SFXN5: variants seen among roughly 807,000 people sequenced by gnomAD.
SFXN5 encodes the protein sideroflexin 5.
In SFXN5, 43 loss-of-function variants were observed where a neutral mutation model predicts 50.2. That is an observed-to-expected ratio of 0.86 (90% confidence interval 0.67 to 1.11). SFXN5 has a LOEUF of 1.11. Among genes scored for constraint, SFXN5 ranks in the 50% least tolerant of loss-of-function variants. SFXN5 has a pLI of 0.00. For synonymous variants in SFXN5, 203 were observed against 185.8 expected, an observed-to-expected ratio of 1.09 and a Z score of -0.75; for missense variants, 463 against 454.1, an observed-to-expected ratio of 1.02 and a Z score of -0.18.
At chr2:73,071,282 C>A (rs956350929) in intron 1 of SFXN5, 1 of 365,940 alleles carries the variant, frequency 2.7e-6, no homozygotes, top group Non-Finnish European at 5.0e-6. Context: ...CCTGAGCAGC[C>A]GCTCGAAGCC....
rs1204600142 is a variant in SFXN5, at chr2:73,063,503, G to C, written c.103-4907C>G. Among the ~76,000 whole-genome samples the C allele has an allele frequency of 2.0e-5, 3 of 152,290 alleles. No individual in the cohort carries two copies. In the East Asian group the frequency reaches 5.8e-4, roughly 29 times the overall value. On this transcript the variant is annotated intron_variant, in intron 1 of 13. Transcript: ENST00000272433. ...GTGAAAAGGAGTCATCATAGGTCTG[G>C]ACCAACCACTCAGGGTCTTGTTTCC...
rs72920425 is a variant in SFXN5 at position 73,018,902 on chromosome 2, T to C, written c.357+1337A>G. Among the ~76,000 whole-genome samples, 529 of 152,318 alleles carry C rather than the reference T, an allele frequency of 3.5e-3. 1 individual carries two copies. The highest frequency in any genetic ancestry group is 0.011 in the African/African-American group (443 of 41,570). Reference sequence around the variant, plus strand: ...AGATCACACATTGCATTTATTATAGTTGTTACCTGTTTTAATTTAGCTTCC... The same window carrying C: ...AGATCACACATTGCATTTATTATAGCTGTTACCTGTTTTAATTTAGCTTCC... On this transcript the variant is annotated intron_variant, in intron 6 of 13. Coordinates refer to ENST00000272433, the MANE Select transcript of SFXN5 (RefSeq NM_144579.3).
Position 72,945,404 on chromosome 2 carries a change from C to T in SFXN5, c.946-305G>A, listed in dbSNP as rs770319359. 1.3e-5 allele frequency among the ~76,000 whole-genome samples: 2 copies of T among 152,098 alleles called. No individual in the cohort carries two copies. Among genetic ancestry groups the T allele is most frequent in the African/African-American group, 4.8e-5 (2 of 41,412 alleles). On this transcript the variant is annotated intron_variant, in intron 13 of 13. Coordinates refer to ENST00000272433, the MANE Select transcript of SFXN5 (RefSeq NM_144579.3). The surrounding 1 kb of genome is among the most constrained non-coding windows in gnomAD (Gnocchi z 5.8). ...CTGCATCTCCCTCACCCCCAAGAAC[C>T]ATGTCCACTGCACTGCAGACCTACC...
chr2:73,059,182 G>T, intron 1 of SFXN5: 1 of 986,296 alleles, frequency 1.0e-6, no homozygotes, highest in Non-Finnish European at 1.2e-6. Context: ...CAGAGCAGGG[G>T]CCGTGGAAAA....
chr2:73,000,363 C>T (rs1364412864), intron 8 of SFXN5, 68 bp downstream of exon 8: 12 of 1,454,282 alleles, frequency 8.3e-6, no homozygotes, highest in Non-Finnish European at 7.5e-6. Context: ...GCATGTCACG[C>T]TGTAGGGAGG....
intron 6 of SFXN5, among the ~76,000 whole-genome samples, chr2:73,003,985 G>A (rs1479190415): frequency 1.3e-5 from 2 of 152,128 alleles, no homozygotes; most frequent in South Asian, 2.1e-4. Flanking sequence ...ATTTTGCCAC[G>A]CATTTCACTT....
chr2:73,050,800 G>T (rs1559206094), intron 2 of SFXN5, among the ~76,000 whole-genome samples: 1 of 152,182 alleles, frequency 6.6e-6, no homozygotes, highest in Non-Finnish European at 1.5e-5. Context: ...TCCTAAACAT[G>T]ATTTTTTATT....
intron 12 of SFXN5, among the ~76,000 whole-genome samples, chr2:72,966,336 G>A (rs1674399629): frequency 6.6e-6 from 1 of 152,186 alleles, no homozygotes; most frequent in Non-Finnish European, 1.5e-5. Context: ...TCAAGACTCA[G>A]CAATCTCAAG....
In SFXN5 at chr2:72,961,533, C is replaced by A. The variant is rs1164525543; in HGVS notation, c.828-285G>T. 6.6e-6 allele frequency among the ~76,000 whole-genome samples: 1 copy of A among 152,198 alleles called. No homozygotes were observed. Among genetic ancestry groups the A allele is most frequent in the Admixed American group, 6.5e-5 (1 of 15,288 alleles). ...GAATGAGTACTTTCGGGGCACCCAC[C>A]CGCCACGCGTCCAGCCCCGTGCCAA... On this transcript the variant is annotated intron_variant, in intron 12 of 13. Coordinates refer to ENST00000272433, the MANE Select transcript of SFXN5 (RefSeq NM_144579.3). The surrounding 1 kb of genome is among the most constrained non-coding windows in gnomAD (Gnocchi z 4.4).
intron 2 of SFXN5, among the ~76,000 whole-genome samples, chr2:73,057,755 G>T (rs968446905): frequency 3.3e-5 from 5 of 152,104 alleles, no homozygotes; most frequent in Non-Finnish European, 7.4e-5. Flanking sequence ...GATGGGGATG[G>T]TTCCCCCATG....
At chr2:73,002,549 C>T (rs1674034087) in intron 6 of SFXN5, among the ~76,000 whole-genome samples, 1 of 152,160 alleles carries the variant, frequency 6.6e-6, no homozygotes, top group African/African-American at 2.4e-5. Context: ...GATAAAATGG[C>T]TCTTTGGCAA....
intron 12 of SFXN5, among the ~76,000 whole-genome samples, chr2:72,964,759 T>C (rs1346983367): frequency 6.6e-6 from 1 of 152,166 alleles, no homozygotes. Context: ...GAAGGACCAG[T>C]GAAACATGAG....
chr2:72,976,666 T>TAG (rs1000169161), intron 10 of SFXN5, among the ~76,000 whole-genome samples: 10 of 152,214 alleles, frequency 6.6e-5, no homozygotes, highest in Non-Finnish European at 1.5e-4. Flanking sequence ...GAAGGAGGCT[T>TAG]AGACTCCAAC....
rs766379594 is a variant in SFXN5, at chr2:72,950,863, G to T, written c.946-5764C>A. Among the ~76,000 whole-genome samples the T allele has an allele frequency of 1.6e-4, 24 of 152,256 alleles. No individual in the cohort carries two copies. The highest frequency in any genetic ancestry group is 3.2e-4 in the Non-Finnish European group (22 of 68,046). ...GGCTGTGACCACAGACTGGCTCTGA[G>T]GGGCCTTCTCCGGGGATAAGGGGAT... On this transcript the variant is annotated intron_variant, in intron 13 of 13. Transcript: ENST00000272433. This position sits in a 1 kb window ranked among gnomAD's most constrained non-coding sequence, Gnocchi z 4.2.
chr2:73,009,089 A>G (rs1226245587), intron 6 of SFXN5, among the ~76,000 whole-genome samples: 1 of 151,744 alleles, frequency 6.6e-6, no homozygotes, highest in Admixed American at 6.6e-5. Context: ...TCCCTTCATC[A>G]CTCAGGGACC....
At position 72,992,852 on chromosome 2, in the gene SFXN5, C is replaced by G. The variant is rs1672764406; in HGVS notation, c.535-4504G>C. 6.6e-6 allele frequency among the ~76,000 whole-genome samples: 1 copy of G among 152,160 alleles called. No individual in the cohort carries two copies. Among genetic ancestry groups the G allele is most frequent in the Non-Finnish European group, 1.5e-5 (1 of 68,040 alleles). On this transcript the variant is annotated intron_variant, in intron 9 of 13. Transcript: ENST00000272433. The surrounding 1 kb of genome is among the most constrained non-coding windows in gnomAD (Gnocchi z 4.5). ...AAGCCTTCGGTGACACTGGAGGAGC[C>G]ACACGGCCCTGCGGGACTGCCTGGC...
intron 3 of SFXN5, among the ~76,000 whole-genome samples, chr2:73,036,703 G>A (rs773758784): frequency 2.7e-4 from 41 of 152,126 alleles, no homozygotes; most frequent in Non-Finnish European, 4.7e-4. Flanking sequence ...AGGGCAGAGC[G>A]GAGCCTGGGC....
intron 12 of SFXN5, among the ~76,000 whole-genome samples, chr2:72,966,443 C>G (rs76908769): frequency 6.6e-6 from 1 of 152,150 alleles, no homozygotes; most frequent in Non-Finnish European, 1.5e-5. Flanking sequence ...GAAGGGGCTA[C>G]GTATACGAGA....
At chr2:73,000,912 C>T (rs1284482822) in intron 7 of SFXN5, among the ~76,000 whole-genome samples, 1 of 152,248 alleles carries the variant, frequency 6.6e-6, no homozygotes, top group Non-Finnish European at 1.5e-5. Context: ...CAGTATCCTG[C>T]ACCTCCAGTT....
Sources: allele counts gnomAD v4.1 joint callset (sites outside exome capture counted in the v4.1 genomes callset), GRCh38; gene constraint gnomAD v4.1.1; non-coding constraint Gnocchi (gnomAD v3.1); transcripts MANE v1.5; gene names NCBI Gene and HGNC (gene_info 2026-07-23, HGNC 2026-07-21).